Variants in CNTLN observed in about 807,000 individuals in gnomAD.
CNTLN encodes centlein, centrosomal protein.
In CNTLN, 212 loss-of-function variants were observed where a neutral mutation model predicts 180.0. The observed-to-expected ratio is 1.18, with a 90% CI of 1.05 to 1.32. The LOEUF (loss-of-function observed/expected upper bound fraction) is 1.32. Among genes scored for constraint, CNTLN ranks in the 40% most tolerant of loss-of-function variants. The pLI, the probability that CNTLN is intolerant of heterozygous loss-of-function variation, is 0.00. For missense variants in CNTLN, 2,095 were observed against 1,610.9 expected, an observed-to-expected ratio of 1.30 and a Z score of -5.14; for synonymous variants, 722 against 563.1, an observed-to-expected ratio of 1.28 and a Z score of -3.99.
chr9:17,266,768 A>G (rs895805782), intron 5 of CNTLN, among the ~76,000 whole-genome samples: 1 of 152,042 alleles, frequency 6.6e-6, no homozygotes, highest in African/African-American at 2.4e-5. Flanking sequence ...CTTGTTGTTG[A>G]ATTGATCCCT....
At chr9:17,371,057 G>A (rs930276469) in intron 13 of CNTLN, among the ~76,000 whole-genome samples, 3 of 151,866 alleles carry the variant, frequency 2.0e-5, no homozygotes, top group African/African-American at 7.2e-5. Flanking sequence ...AAAGAATGAA[G>A]GAAGGAAAAG....
At chr9:17,307,012 C>A (rs111813481) in intron 7 of CNTLN, among the ~76,000 whole-genome samples, 1 of 152,118 alleles carries the variant, frequency 6.6e-6, no homozygotes, top group Non-Finnish European at 1.5e-5. Context: ...CAAGTAGGCA[C>A]GCTGAACTCT....
chr9:17,314,908 A>AT (rs1172160258), intron 8 of CNTLN, among the ~76,000 whole-genome samples: 1 of 152,166 alleles, frequency 6.6e-6, no homozygotes, highest in Non-Finnish European at 1.5e-5. Flanking sequence ...ATTTTAACTG[A>AT]TTTTTTAAAT....
At chr9:17,150,814 CT>C (rs1818814580) in intron 2 of CNTLN, among the ~76,000 whole-genome samples, 1 of 152,172 alleles carries the variant, frequency 6.6e-6, no homozygotes, top group Admixed American at 6.5e-5. Context: ...TTTGTGTCCT[CT>C]CTTACTTCCT....
At chr9:17,203,602 G>T (rs988584070) in intron 2 of CNTLN, among the ~76,000 whole-genome samples, 3 of 152,102 alleles carry the variant, frequency 2.0e-5, no homozygotes, top group Non-Finnish European at 4.4e-5. Context: ...TGTCGCCAAG[G>T]CTGGAGTGCA....
chr9:17,155,210 G>A (rs1407285158), intron 2 of CNTLN, among the ~76,000 whole-genome samples: 3 of 152,162 alleles, frequency 2.0e-5, no homozygotes, highest in African/African-American at 7.2e-5. Context: ...CACTCACCGC[G>A]AGGGTCCGCA....
At chr9:17,333,576 G>C (rs1308311588) in intron 10 of CNTLN, among the ~76,000 whole-genome samples, 1 of 152,108 alleles carries the variant, frequency 6.6e-6, no homozygotes, top group Non-Finnish European at 1.5e-5. Context: ...GTTCAGTTTA[G>C]ATTATGTGTG....
At chr9:17,216,135 T>G (rs1397252883) in intron 2 of CNTLN, among the ~76,000 whole-genome samples, 1 of 152,192 alleles carries the variant, frequency 6.6e-6, no homozygotes. Context: ...ACCCATCTTC[T>G]GAGTTGCTCA....
rs946412007 is a variant in CNTLN, at chr9:17,476,350, A to G, written c.3856-7945A>G. On this transcript the variant is annotated intron_variant, in intron 23 of 25. Coordinates refer to ENST00000380647, the MANE Select transcript of CNTLN (RefSeq NM_017738.4). The stretch of plus-strand genomic sequence containing the variant: ...CAGTTAGGCCAACTAATAATTCTGT[A>G]GTGACCTCTAAGTGTTCAAATGAAG... Among the ~76,000 whole-genome samples, 8 of 152,324 alleles carry G rather than the reference A, an allele frequency of 5.3e-5. No homozygotes were observed. In the East Asian group the frequency reaches 9.6e-4, roughly 18 times the overall value.
intron 24 of CNTLN, 102 bp downstream of exon 24, chr9:17,484,582 G>A (rs1471606078): frequency 2.2e-6 from 2 of 920,070 alleles, no homozygotes; most frequent in Non-Finnish European, 3.1e-6. Flanking sequence ...ATCTTTAAGA[G>A]AGTGTTAATG....
chr9:17,151,619 T>C (rs1474128988), intron 2 of CNTLN, among the ~76,000 whole-genome samples: 2 of 152,164 alleles, frequency 1.3e-5, no homozygotes, highest in African/African-American at 4.8e-5. Flanking sequence ...GCCTGAAATT[T>C]TCTTTTTTTG....
intron 2 of CNTLN, among the ~76,000 whole-genome samples, chr9:17,174,497 A>G (rs1217985328): frequency 6.6e-6 from 1 of 152,056 alleles, no homozygotes; most frequent in East Asian, 1.9e-4. Context: ...GGAGTTTGAA[A>G]CCAGCCTGGC....
intron 2 of CNTLN, among the ~76,000 whole-genome samples, chr9:17,165,129 C>T (rs898235710): frequency 2.0e-5 from 3 of 152,050 alleles, no homozygotes; most frequent in Non-Finnish European, 2.9e-5. Flanking sequence ...TGACCCATTG[C>T]GCCCGGCCTC....
intron 2 of CNTLN, among the ~76,000 whole-genome samples, chr9:17,204,070 A>G (rs1005647828): frequency 2.6e-5 from 4 of 152,150 alleles, no homozygotes; most frequent in African/African-American, 9.7e-5. Flanking sequence ...GTAACCTTTT[A>G]TCCACGTTCT....
chr9:17,514,271 C>T, the CNTLN span, among the ~76,000 whole-genome samples: 3 of 152,126 alleles, frequency 2.0e-5, no homozygotes, highest in Non-Finnish European at 2.9e-5. Flanking sequence ...GACTGCATCA[C>T]TGTACTCCAG....
intron 2 of CNTLN, among the ~76,000 whole-genome samples, chr9:17,177,192 G>A (rs1233387555): frequency 6.6e-6 from 1 of 152,058 alleles, no homozygotes; most frequent in Non-Finnish European, 1.5e-5. Context: ...GGCAGATCAC[G>A]AGGTCAGGAG....
In CNTLN at chr9:17,432,471, A is replaced by C. The variant is rs1829472419; in HGVS notation, c.3114+16282A>C. 2.0e-5 allele frequency among the ~76,000 whole-genome samples: 3 copies of C among 152,176 alleles called. No individual in the cohort carries two copies. The South Asian group carries it at 6.2e-4, about 32-fold the overall frequency. On this transcript the variant is annotated intron_variant, in intron 18 of 25. Transcript: ENST00000380647. Reference sequence around the variant, plus strand: ...ATAGATAGAATAATTTATTCAGAAAATGGCATAGAGACAAAGGAATGAAAA... The same window carrying C: ...ATAGATAGAATAATTTATTCAGAAACTGGCATAGAGACAAAGGAATGAAAA...
intron 6 of CNTLN, among the ~76,000 whole-genome samples, chr9:17,283,468 G>C (rs1828787297): frequency 6.6e-6 from 1 of 152,132 alleles, no homozygotes; most frequent in Non-Finnish European, 1.5e-5. Flanking sequence ...CTTTGCTGAA[G>C]TTGCATATCA....
intron 23 of CNTLN, among the ~76,000 whole-genome samples, chr9:17,479,373 C>A (rs1385734964): frequency 6.6e-6 from 1 of 152,136 alleles, no homozygotes; most frequent in Non-Finnish European, 1.5e-5. Context: ...GAAGGAAATT[C>A]TGCAGTATGC....
Sources: allele counts gnomAD v4.1 joint callset (sites outside exome capture counted in the v4.1 genomes callset), GRCh38; gene constraint gnomAD v4.1.1; transcripts MANE v1.5; gene names NCBI Gene and HGNC (gene_info 2026-07-23, HGNC 2026-07-21).